RPGRIP1: variants seen among roughly 807,000 people sequenced by gnomAD.
RPGRIP1 encodes the protein X-linked retinitis pigmentosa GTPase regulator-interacting protein 1.
A neutral mutation model predicts 157.9 loss-of-function variants in RPGRIP1; 128 were observed. The observed-to-expected ratio is 0.81, with a 90% CI of 0.70 to 0.94. The LOEUF is 0.94. RPGRIP1 is among the 40% of genes least tolerant of loss of function. The probability of loss-of-function intolerance (pLI) is 0.00; values close to 1 mark genes in which losing one functional copy is unlikely to be tolerated. For synonymous variants in RPGRIP1, 554 were observed against 571.6 expected (o/e 0.97, Z 0.44); for missense variants, 1,486 against 1,545.8 (o/e 0.96, Z 0.65).
chr14:21,320,386 G>T (rs1183953695), intron 12 of RPGRIP1, among the ~76,000 whole-genome samples: 5 of 149,824 alleles, frequency 3.3e-5, no homozygotes, highest in Non-Finnish European at 5.9e-5. Flanking sequence ...GCCCCCTGGG[G>T]TTCACGCCGT....
At chr14:21,306,529 GC>G (rs1384699549) in intron 6 of RPGRIP1, among the ~76,000 whole-genome samples, 2 of 151,600 alleles carry the variant, frequency 1.3e-5, no homozygotes, top group Non-Finnish European at 2.9e-5. Context: ...CGAGATCTCA[GC>G]TCACTGTAAT....
intron 10 of RPGRIP1, 118 bp from the exon 11 acceptor site, chr14:21,317,578 A>G: frequency 6.5e-7 from 1 of 1,538,716 alleles, no homozygotes; most frequent in Non-Finnish European, 8.7e-7. Context: ...AAGGGCAGAA[A>G]AAAACATGTA....
intron 10 of RPGRIP1, 85 bp from the exon 11 acceptor site, chr14:21,317,611 T>C (rs1300164886): frequency 1.9e-6 from 3 of 1,549,242 alleles, no homozygotes; most frequent in Non-Finnish European, 2.6e-6. Context: ...AGGAACTAGG[T>C]CCAGGAGATG....
chr14:21,324,798 C>T lies in RPGRIP1; in HGVS notation c.1943C>T (p.Thr648Ile), dbSNP rs780101671. ...TSAALAQAGDTQPTTFCTYSF... is the reference protein window; with the variant it reads ...TSAALAQAGDIQPTTFCTYSF... The stretch of plus-strand genomic sequence containing the variant: ...GCCGCCCTAGCTCAGGCTGGAGATA[C>T]CCAACCTACCACTTTCTGCACCTAT... The change falls in exon 15 of 25, where the codon ACC becomes ATC. Residue 648 changes from threonine (T) to isoleucine (I), a missense_variant. Thr to Ile is a moderately conservative substitution (Grantham distance 89). Coordinates refer to ENST00000400017, the MANE Select transcript of RPGRIP1 (RefSeq NM_020366.4). 1.9e-6 allele frequency: 3 copies of T among 1,613,948 alleles called. No homozygotes were observed. The Admixed American group carries it at 5.0e-5, about 27-fold the overall frequency.
chr14:21,312,492 C>T lies in RPGRIP1; in HGVS notation c.1137C>T (p.Asp379=), dbSNP rs1321665121. The part of the protein sequence containing the change: ...KERKLLNDNY[D]KLLESMLDSS... ...GAAAATTGCTGAATGACAATTATGA[C>T]AAACTCTTAGAAAGGTGAGTACCAC... is the stretch of plus-strand genomic sequence containing the variant. Residue 379 remains aspartate (D), a synonymous_variant, in exon 10 of 25, where the codon GAC becomes GAT. Transcript: ENST00000400017. The T allele has an allele frequency of 1.2e-6, 2 of 1,609,958 alleles. No individual in the cohort carries two copies. The highest frequency in any genetic ancestry group is 1.7e-6 in the Non-Finnish European group (2 of 1,177,182).
At chr14:21,335,108 A>C (rs1884205320) in intron 21 of RPGRIP1, among the ~76,000 whole-genome samples, 1 of 151,846 alleles carries the variant, frequency 6.6e-6, no homozygotes, top group South Asian at 2.1e-4. Flanking sequence ...CACACAAGTG[A>C]AGGGCAATCC....
At chr14:21,345,049 A>T in intron 22 of RPGRIP1, 64 bp from the exon 23 acceptor site, 1 of 1,038,740 alleles carries the variant, frequency 9.6e-7, no homozygotes, top group Non-Finnish European at 1.5e-6. Flanking sequence ...CACTAATGAA[A>T]GTCTTGGGGC....
At chr14:21,344,552 G>C (rs1283921704) in intron 22 of RPGRIP1, among the ~76,000 whole-genome samples, 1 of 152,146 alleles carries the variant, frequency 6.6e-6, no homozygotes, top group Non-Finnish European at 1.5e-5. Flanking sequence ...AGTTTTTAAA[G>C]AAAGGGCATA....
chr14:21,285,926 A>G lies in RPGRIP1; in HGVS notation c.-38-2013A>G, dbSNP rs1463566539. 2.6e-5 allele frequency among the ~76,000 whole-genome samples: 4 copies of G among 151,922 alleles called. 1 individual carries two copies. Among genetic ancestry groups the G allele is most frequent in the Non-Finnish European group, 5.9e-5 (4 of 68,024 alleles). On this transcript the variant is annotated intron_variant, in intron 1 of 24. Coordinates refer to ENST00000400017, the MANE Select transcript of RPGRIP1 (RefSeq NM_020366.4). ...TGGGGAGAGCATTAAAAAATGTGGT[A>G]GTTGAGGAAAGAGACACAGATCACT...
rs1276494204 is a variant in RPGRIP1, at chr14:21,320,190, T to C, written c.1467+13T>C. The C allele has an allele frequency of 6.2e-6, 10 of 1,610,230 alleles. No homozygotes were observed. Among genetic ancestry groups the C allele is most frequent in the Admixed American group, 1.7e-5 (1 of 59,644 alleles). ...CACTCAGATCGAGGTAAGAGCCTCT[T>C]TAAACAAACTAGTCCACTCTGCAGA... On this transcript the variant is annotated intron_variant, in intron 12 of 24. Transcript: ENST00000400017.
intron 5 of RPGRIP1, 142 bp downstream of exon 5, chr14:21,302,726 C>T: frequency 2.1e-6 from 1 of 466,020 alleles, no homozygotes; most frequent in Non-Finnish European, 3.8e-6. Context: ...GGTCAAATTC[C>T]AACTTCATTG....
chr14:21,289,124 G>A (rs1222003699), intron 2 of RPGRIP1, among the ~76,000 whole-genome samples: 1 of 151,916 alleles, frequency 6.6e-6, no homozygotes, highest in African/African-American at 2.4e-5. Flanking sequence ...TCAGGAGATC[G>A]AGACCATCCT....
intron 2 of RPGRIP1, among the ~76,000 whole-genome samples, chr14:21,290,280 C>A (rs1259368190): frequency 6.6e-6 from 1 of 152,200 alleles, no homozygotes; most frequent in African/African-American, 2.4e-5. Flanking sequence ...ATTTTACATT[C>A]CTACCAGCAA....
intron 20 of RPGRIP1, among the ~76,000 whole-genome samples, chr14:21,333,524 C>T (rs371636368): frequency 4.6e-5 from 7 of 152,166 alleles, no homozygotes; most frequent in African/African-American, 1.4e-4. Flanking sequence ...GCTCACTACT[C>T]GGCATGTTAG....
intron 22 of RPGRIP1, 142 bp downstream of exon 22, chr14:21,343,370 G>A: frequency 1.5e-6 from 1 of 665,534 alleles, no homozygotes; most frequent in Non-Finnish European, 2.5e-6. Flanking sequence ...TGTGCATGTG[G>A]TTTAAAAACA....
intron 24 of RPGRIP1, among the ~76,000 whole-genome samples, chr14:21,348,916 C>T (rs1225664001): frequency 2.0e-5 from 3 of 151,994 alleles, no homozygotes; most frequent in Non-Finnish European, 4.4e-5. Flanking sequence ...TTGCCTTGGC[C>T]TCCCAAAGTG....
intron 22 of RPGRIP1, among the ~76,000 whole-genome samples, chr14:21,343,740 C>A (rs1269668965): frequency 6.6e-6 from 1 of 152,070 alleles, no homozygotes; most frequent in Non-Finnish European, 1.5e-5. Context: ...GATCTGCCTG[C>A]CTTGGCCTCC....
intron 6 of RPGRIP1, among the ~76,000 whole-genome samples, chr14:21,306,616 G>GCA (rs1881320292): frequency 7.0e-6 from 1 of 142,302 alleles, no homozygotes; most frequent in African/African-American, 2.6e-5. Context: ...GCGCCACCAT[G>GCA]CCCAGCTAAT....
In RPGRIP1 at chr14:21,325,839, G is replaced by A. The variant is rs185667326; in HGVS notation, c.2376G>A (p.Ser792=). 3.1e-4 allele frequency: 492 copies of A among 1,611,520 alleles called. No individual in the cohort carries two copies. In the African/African-American group the frequency reaches 5.7e-3, roughly 19 times the overall value. The change falls in exon 17 of 25, where the codon TCG becomes TCA. Residue 792 remains serine (S), a synonymous_variant. Coordinates refer to ENST00000400017, the MANE Select transcript of RPGRIP1 (RefSeq NM_020366.4). The part of the protein sequence containing the change: ...GRKAQEEEFR[S]ESWEPQNELW... The stretch of plus-strand genomic sequence containing the variant: ...GACCAACATCTTTCCAGTTCAGATC[G>A]GAGTCTTGGGAACCTCAGAACGAGC...
Sources: allele counts gnomAD v4.1 joint callset (sites outside exome capture counted in the v4.1 genomes callset), GRCh38; gene constraint gnomAD v4.1.1; transcripts MANE v1.5; gene names NCBI Gene and HGNC (gene_info 2026-07-23, HGNC 2026-07-21).